Variants in PKNOX2 observed in about 807,000 individuals in gnomAD.
The protein encoded by PKNOX2 is PBX/knotted 1 homeobox 2, also known as homeobox protein PKNOX2.
Under a neutral mutation model 53.1 loss-of-function variants are expected in PKNOX2, and 14 were observed. The observed-to-expected ratio is 0.26, with a 90% CI of 0.17 to 0.41. The LOEUF (loss-of-function observed/expected upper bound fraction) is 0.41, where lower values mean the gene tolerates loss of function less well. Among genes scored for constraint, PKNOX2 ranks in the 10% least tolerant of loss-of-function variants. PKNOX2 has a pLI of 1.00. For missense variants in PKNOX2, 496 were observed against 602.8 expected (o/e 0.82, Z 1.85); for synonymous variants, 257 against 242.8 (o/e 1.06, Z -0.54).
chr11:125,221,691 G>A (rs1941168530), intron 1 of PKNOX2, among the ~76,000 whole-genome samples: 1 of 152,022 alleles, frequency 6.6e-6, no homozygotes, highest in South Asian at 2.1e-4. Context: ...GAGCAACACT[G>A]GCACATTTCC....
At chr11:125,266,209 C>T (rs1945330477) in intron 2 of PKNOX2, among the ~76,000 whole-genome samples, 2 of 152,170 alleles carry the variant, frequency 1.3e-5, no homozygotes, top group Non-Finnish European at 2.9e-5. Flanking sequence ...CACCTCCTCC[C>T]CCGTCAGTGG....
intron 1 of PKNOX2, among the ~76,000 whole-genome samples, chr11:125,181,001 G>A (rs950714414): frequency 6.6e-6 from 1 of 152,194 alleles, no homozygotes; most frequent in Non-Finnish European, 1.5e-5. Context: ...AGTTTAGCTA[G>A]GGAGACAATG....
chr11:125,410,430 G>A, intron 8 of PKNOX2, 105 bp downstream of exon 8: 1 of 1,462,428 alleles, frequency 6.8e-7, no homozygotes, highest in African/African-American at 1.4e-5. Context: ...CCGAGGGAGG[G>A]GCTCCCAGCT....
intron 3 of PKNOX2, among the ~76,000 whole-genome samples, chr11:125,334,641 C>G (rs1950336820): frequency 1.3e-5 from 2 of 151,630 alleles, no homozygotes; most frequent in African/African-American, 2.4e-5. Flanking sequence ...CTCTGTCACC[C>G]AGGCTAGAGT....
Position 125,431,496 on chromosome 11 carries a change from T to A in PKNOX2, c.*104T>A. 1 of 1,104,332 alleles carries A rather than the reference T, an allele frequency of 9.1e-7. No homozygotes were observed. The highest frequency in any genetic ancestry group is 1.2e-6 in the Non-Finnish European group (1 of 813,314). The allele number at this position is 1,104,332 out of a possible 1,614,324, so 68.4% of individuals were successfully genotyped here. A position where few individuals can be genotyped will look rare whatever the true frequency, so the allele number is the denominator to read the frequency against. On this transcript the variant is annotated 3_prime_UTR_variant, in exon 13 of 13. Coordinates refer to ENST00000298282, the MANE Select transcript of PKNOX2 (RefSeq NM_001382323.2). Reference sequence around the variant, plus strand: ...ACATGGGCAGGAAGCACCGAGGGAGTTGGGCCCTAGCTTCCCCAAATCAGT... The same window carrying A: ...ACATGGGCAGGAAGCACCGAGGGAGATGGGCCCTAGCTTCCCCAAATCAGT...
intron 1 of PKNOX2, among the ~76,000 whole-genome samples, chr11:125,171,666 C>T (rs962139467): frequency 6.6e-6 from 1 of 152,230 alleles, no homozygotes. Flanking sequence ...TGGAGGATTA[C>T]CCCTTTCCCT....
At chr11:125,334,612 T>G (rs1356075176) in intron 3 of PKNOX2, among the ~76,000 whole-genome samples, 1 of 151,922 alleles carries the variant, frequency 6.6e-6, no homozygotes, top group South Asian at 2.1e-4. Flanking sequence ...TCTTTTCATT[T>G]TTTTGAGACA....
chr11:125,389,066 A>G (rs1460040179), intron 6 of PKNOX2, among the ~76,000 whole-genome samples: 2 of 152,164 alleles, frequency 1.3e-5, no homozygotes, highest in African/African-American at 4.8e-5. Flanking sequence ...GTGGTGGTAC[A>G]TGTCTGTAAT....
chr11:125,211,288 T>C (rs184249133), intron 1 of PKNOX2, among the ~76,000 whole-genome samples: 1 of 152,254 alleles, frequency 6.6e-6, no homozygotes, highest in Admixed American at 6.5e-5. Context: ...GAACATTACC[T>C]GGAAGAGAGA....
At chr11:125,307,116 T>A (rs1474234390) in intron 2 of PKNOX2, among the ~76,000 whole-genome samples, 1 of 152,174 alleles carries the variant, frequency 6.6e-6, no homozygotes, top group Admixed American at 6.5e-5. Context: ...TTAAGAGCAG[T>A]TTGTACATCG....
intron 2 of PKNOX2, among the ~76,000 whole-genome samples, chr11:125,289,067 T>C (rs905299443): frequency 6.6e-6 from 1 of 152,240 alleles, no homozygotes; most frequent in Non-Finnish European, 1.5e-5. Context: ...TACCATTTCA[T>C]TGGCCTGAGA....
At chr11:125,311,091 C>T (rs1323770180) in intron 2 of PKNOX2, among the ~76,000 whole-genome samples, 2 of 152,182 alleles carry the variant, frequency 1.3e-5, no homozygotes, top group Admixed American at 1.3e-4. Context: ...CTTCCTAGCA[C>T]ACTTCTAACA....
intron 2 of PKNOX2, among the ~76,000 whole-genome samples, chr11:125,294,862 C>T (rs554941019): frequency 1.6e-4 from 25 of 152,314 alleles, no homozygotes; most frequent in Middle Eastern, 3.4e-3. Flanking sequence ...CCACCTGCCT[C>T]GCATGGAGTA....
intron 5 of PKNOX2, among the ~76,000 whole-genome samples, chr11:125,379,055 C>CTTTTTTTTTTTTTTTTTT (rs35310311): frequency 8.0e-6 from 1 of 124,442 alleles, no homozygotes. Context: ...TTTTCTTTCT[C>CTTTTTTTTTTTTTTTTTT]TTTTTTTTTT....
At chr11:125,170,082 C>T (rs11219938) in intron 1 of PKNOX2, among the ~76,000 whole-genome samples, 47,174 of 152,040 alleles carry the variant, frequency 0.31, 7,894 homozygotes, top group African/African-American at 0.44. Flanking sequence ...ATCTGGTCGG[C>T]TGAGGGGGTT....
At position 125,432,273 on chromosome 11, in the gene PKNOX2, CCT is replaced by C. The variant is rs1956735634; in HGVS notation, c.*882_*883del. The C allele has an allele frequency of 2.6e-5, 4 of 152,706 alleles. No homozygotes were observed. The highest frequency in any genetic ancestry group is 5.9e-5 in the Non-Finnish European group (4 of 68,094). The allele number at this position is 152,706 out of a possible 1,614,324, so 9.5% of individuals were successfully genotyped here. A position where few individuals can be genotyped will look rare whatever the true frequency, so the allele number is the denominator to read the frequency against. ...TGGTTTTTTACCCTAGATGTTCCCA[CCT>C]TCAGTGCTCCACGCCCTCCATAGAC... On this transcript the variant is annotated 3_prime_UTR_variant, in exon 13 of 13. Coordinates refer to ENST00000298282, the MANE Select transcript of PKNOX2 (RefSeq NM_001382323.2).
intron 2 of PKNOX2, among the ~76,000 whole-genome samples, chr11:125,259,363 G>C (rs1295336160): frequency 6.6e-6 from 1 of 152,186 alleles, no homozygotes; most frequent in African/African-American, 2.4e-5. Context: ...TAAGATTCCT[G>C]CCAGCTCTGA....
At chr11:125,191,572 A>C (rs1956878669) in intron 1 of PKNOX2, among the ~76,000 whole-genome samples, 1 of 152,212 alleles carries the variant, frequency 6.6e-6, no homozygotes. Flanking sequence ...TAGACGTCAC[A>C]GTGCAGTCAC....
At chr11:125,178,655 A>AG in intron 1 of PKNOX2, among the ~76,000 whole-genome samples, 1 of 111,762 alleles carries the variant, frequency 8.9e-6, no homozygotes, top group African/African-American at 5.8e-5. Flanking sequence ...AGAAGGAAGG[A>AG]AGGAAGGAAG....
Sources: allele counts gnomAD v4.1 joint callset (sites outside exome capture counted in the v4.1 genomes callset), GRCh38; gene constraint gnomAD v4.1.1; transcripts MANE v1.5; gene names NCBI Gene and HGNC (gene_info 2026-07-23, HGNC 2026-07-21).